Variants in XPO1 observed in about 807,000 individuals in gnomAD.
XPO1 encodes the protein exportin-1.
A neutral mutation model predicts 133.3 loss-of-function variants in XPO1; 5 were observed. That is an observed-to-expected ratio of 0.04 (90% CI 0.02 to 0.08). XPO1 has a LOEUF of 0.08. Among genes scored for constraint, XPO1 ranks in the 10% least tolerant of loss-of-function variants. XPO1 has a pLI of 1.00. For missense variants in XPO1, 506 were observed against 1,267.5 expected (o/e 0.40, Z 9.12); for synonymous variants, 419 against 408.2 (o/e 1.03, Z -0.32).
intron 19 of XPO1, 144 bp downstream of exon 19, chr2:61,488,021 A>G: frequency 3.0e-6 from 2 of 659,990 alleles, no homozygotes; most frequent in Non-Finnish European, 5.2e-6. Flanking sequence ...ATATTAACGT[A>G]AGGACTACAA....
Position 61,488,887 on chromosome 2 carries a change from T to C in XPO1, c.2023-116A>G, listed in dbSNP as rs545171639. 24 of 1,078,022 alleles carry C rather than the reference T, an allele frequency of 2.2e-5. No individual in the cohort carries two copies. In the African/African-American group the frequency reaches 3.0e-4, roughly 13 times the overall value. The allele number at this position is 1,078,022 out of a possible 1,614,324, so 66.8% of individuals were successfully genotyped here. ...GAGGCCGAGGCGGGCGGATGATGAGTTCAGGAGATCGGGACCATCCTGGAT... is the reference window on the plus strand; with the variant it reads ...GAGGCCGAGGCGGGCGGATGATGAGCTCAGGAGATCGGGACCATCCTGGAT... On this transcript the variant is annotated intron_variant, in intron 17 of 24. Coordinates refer to ENST00000401558, the MANE Select transcript of XPO1 (RefSeq NM_003400.4).
chr2:61,528,506 G>A (rs371455854), intron 2 of XPO1, among the ~76,000 whole-genome samples: 62 of 151,592 alleles, frequency 4.1e-4, no homozygotes, highest in East Asian at 3.1e-3. Flanking sequence ...GGTGGCGTGC[G>A]CCTATAGTCC....
At chr2:61,533,645 A>G in intron 2 of XPO1, 127 bp downstream of exon 2, 1 of 1,159,796 alleles carries the variant, frequency 8.6e-7, no homozygotes, top group Non-Finnish European at 1.1e-6. Context: ...TATGGTTAAT[A>G]CAGAATTCCA....
At chr2:61,526,189 C>A in intron 3 of XPO1, 3 of 1,319,042 alleles carry the variant, frequency 2.3e-6, no homozygotes, top group Non-Finnish European at 2.9e-6. Flanking sequence ...AAAACAAAAT[C>A]AGACAACCAA....
At chr2:61,525,409 T>G (rs1698872037) in intron 3 of XPO1, 1 of 992,688 alleles carries the variant, frequency 1.0e-6, no homozygotes, top group Non-Finnish European at 1.2e-6. Context: ...GAAAAAAAAA[T>G]GATTGCATAA....
At chr2:61,508,904 A>G (rs1697952994) in intron 4 of XPO1, among the ~76,000 whole-genome samples, 1 of 152,194 alleles carries the variant, frequency 6.6e-6, no homozygotes, top group African/African-American at 2.4e-5. Flanking sequence ...GTGGGAGTCC[A>G]TGTTACATAT....
chr2:61,523,135 A>G (rs1293628926), intron 3 of XPO1, among the ~76,000 whole-genome samples: 2 of 152,216 alleles, frequency 1.3e-5, no homozygotes, highest in East Asian at 1.9e-4. Flanking sequence ...GCCAAATATT[A>G]AAGTATTGTC....
chr2:61,502,168 C>A, intron 5 of XPO1, 81 bp downstream of exon 5: 1 of 1,548,848 alleles, frequency 6.5e-7, no homozygotes, highest in Non-Finnish European at 8.8e-7. Context: ...GACTATGTGT[C>A]TTGACAGAAT....
At chr2:61,527,857 A>G (rs1235608529) in intron 2 of XPO1, among the ~76,000 whole-genome samples, 4 of 152,048 alleles carry the variant, frequency 2.6e-5, no homozygotes, top group South Asian at 4.1e-4. Context: ...TTAGCATAAA[A>G]TAACTAAAGT....
chr2:61,537,165 A>C (rs566792582), intron 1 of XPO1: 1 of 151,986 alleles, frequency 6.6e-6, no homozygotes, highest in South Asian at 2.1e-4. Context: ...GCTGCACTAA[A>C]TATTTCTGGA....
At chr2:61,525,584 T>C in intron 3 of XPO1, 6 of 1,016,628 alleles carry the variant, frequency 5.9e-6, no homozygotes, top group Non-Finnish European at 5.9e-6. Flanking sequence ...ACTTAAACAT[T>C]AGTAATGTCT....
rs962789830 is a variant in XPO1 at position 61,481,470 on chromosome 2, T to A, written c.2973-189A>T. ...TTTTTTTTAATCAAGAATTTTTTTT[T>A]AATTTTTGAGACAAAGTTTTGCTCG... On this transcript the variant is annotated intron_variant, in intron 23 of 24. Coordinates refer to ENST00000401558, the MANE Select transcript of XPO1 (RefSeq NM_003400.4). Among the ~76,000 whole-genome samples the A allele has an allele frequency of 4.0e-4, 61 of 152,022 alleles. 1 individual carries two copies. The highest frequency in any genetic ancestry group is 1.9e-4 in the East Asian group (1 of 5,176).
At chr2:61,518,403 A>G (rs1192187958) in intron 4 of XPO1, among the ~76,000 whole-genome samples, 1 of 144,078 alleles carries the variant, frequency 6.9e-6, no homozygotes, top group African/African-American at 2.7e-5. Context: ...AAAAAAACAA[A>G]AAACAAAAAA....
At chr2:61,485,996 T>A (rs1696672152) in intron 19 of XPO1, 34 bp from the exon 20 acceptor site, 1 of 1,555,510 alleles carries the variant, frequency 6.4e-7, no homozygotes, top group Admixed American at 1.8e-5. Flanking sequence ...TATGTTTTAA[T>A]TTAGGTACAT....
At chr2:61,490,538 A>T (rs1424991788) in intron 17 of XPO1, 104 bp downstream of exon 17, 1 of 1,488,946 alleles carries the variant, frequency 6.7e-7, no homozygotes, top group African/African-American at 1.4e-5. Context: ...AAAAGCACTT[A>T]TGGATCACAC....
chr2:61,478,156 AAAC>A lies in XPO1; in HGVS notation c.*661_*663del. On this transcript the variant is annotated 3_prime_UTR_variant, in exon 25 of 25. Coordinates refer to ENST00000401558, the MANE Select transcript of XPO1 (RefSeq NM_003400.4). ...AATGAGCAACACTCCTCATTGAGGAAAACAAAAAGCTGTTGTCGACAAGCGACA... is the reference window on the plus strand; with the variant it reads ...AATGAGCAACACTCCTCATTGAGGAAAAAAAGCTGTTGTCGACAAGCGACA... 4.3e-6 allele frequency: 1 copy of A among 233,508 alleles called. No individual in the cohort carries two copies. Among genetic ancestry groups the A allele is most frequent in the East Asian group, 6.0e-5 (1 of 16,648 alleles). 14.5% of individuals were successfully genotyped at this position (233,508 alleles called of 1,614,324 possible).
intron 2 of XPO1, among the ~76,000 whole-genome samples, chr2:61,529,395 C>T (rs1266715626): frequency 2.0e-5 from 3 of 152,048 alleles, no homozygotes; most frequent in South Asian, 2.1e-4. Flanking sequence ...CCGTGGCTCA[C>T]GCCTGTAATC....
Position 61,488,095 on chromosome 2 carries a change from T to C in XPO1, c.2313+70A>G, listed in dbSNP as rs532880078. 1.6e-5 allele frequency: 22 copies of C among 1,349,724 alleles called. No homozygotes were observed. In the African/African-American group the frequency reaches 1.7e-4, roughly 11 times the overall value. The allele number at this position is 1,349,724 out of a possible 1,614,324, so 83.6% of individuals were successfully genotyped here. On this transcript the variant is annotated intron_variant, in intron 19 of 24. Transcript: ENST00000401558. ...CTTTAAATTAGCAAAATGCACATAATAGAGTATAGCATATTCCATAAAACA... is the reference window on the plus strand; with the variant it reads ...CTTTAAATTAGCAAAATGCACATAACAGAGTATAGCATATTCCATAAAACA...
intron 2 of XPO1, among the ~76,000 whole-genome samples, chr2:61,532,493 G>A (rs1699199472): frequency 6.6e-6 from 1 of 151,962 alleles, no homozygotes; most frequent in Non-Finnish European, 1.5e-5. Flanking sequence ...CCATCTACTA[G>A]CTGAACATTT....
Sources: allele counts gnomAD v4.1 joint callset (sites outside exome capture counted in the v4.1 genomes callset), GRCh38; gene constraint gnomAD v4.1.1; transcripts MANE v1.5; gene names NCBI Gene and HGNC (gene_info 2026-07-23, HGNC 2026-07-21).